MGMT: variants seen among roughly 807,000 people sequenced by gnomAD.
MGMT encodes O-6-methylguanine-DNA methyltransferase.
In MGMT, 14 loss-of-function variants were observed where a neutral mutation model predicts 15.9. That is an observed-to-expected ratio of 0.88 (90% CI 0.58 to 1.37). The LOEUF is 1.37. Among genes scored for constraint, MGMT ranks in the 40% most tolerant of loss-of-function variants. MGMT has a pLI of 0.00. For missense variants in MGMT, 282 were observed against 268.1 expected (o/e 1.05, Z -0.36); for synonymous variants, 130 against 118.2 (o/e 1.10, Z -0.65).
intron 2 of MGMT, among the ~76,000 whole-genome samples, chr10:129,679,360 C>A (rs1847821832): frequency 6.7e-6 from 1 of 149,984 alleles, no homozygotes; most frequent in Non-Finnish European, 1.5e-5. Context: ...GCTGTGGGAC[C>A]CTGCGGGCTT....
chr10:129,719,029 C>T (rs988387101), intron 3 of MGMT, among the ~76,000 whole-genome samples: 9 of 152,076 alleles, frequency 5.9e-5, no homozygotes, highest in African/African-American at 1.4e-4. Flanking sequence ...TGTCTAGAGC[C>T]GGTCCGTCTG....
At chr10:129,642,354 A>G (rs1847337317) in intron 2 of MGMT, among the ~76,000 whole-genome samples, 1 of 152,192 alleles carries the variant, frequency 6.6e-6, no homozygotes, top group Non-Finnish European at 1.5e-5. Flanking sequence ...ATTTGGGAAT[A>G]TTCTGCATTT....
rs555714635 is a variant in MGMT at position 129,587,688 on chromosome 10, G to A, written c.125+51311G>A. 5.3e-5 allele frequency among the ~76,000 whole-genome samples: 8 copies of A among 151,196 alleles called. No homozygotes were observed. The South Asian group carries it at 1.3e-3, about 24-fold the overall frequency. ...ATTTTTATCATGATCCACCCGCCTC[G>A]GCTTCCCAAAGTGCTGGGATTACAG... is the stretch of plus-strand genomic sequence containing the variant. On this transcript the variant is annotated intron_variant, in intron 2 of 4. Transcript: ENST00000651593.
intron 4 of MGMT, 63 bp downstream of exon 4, chr10:129,759,404 T>G: frequency 1.2e-6 from 2 of 1,608,276 alleles, no homozygotes; most frequent in South Asian, 2.2e-5. Context: ...CAGGGTGTCA[T>G]CTGATCCCAC....
chr10:129,573,170 G>T (rs1289464039), intron 2 of MGMT, among the ~76,000 whole-genome samples: 2 of 151,928 alleles, frequency 1.3e-5, no homozygotes, highest in African/African-American at 4.8e-5. Context: ...GGGTTATTTT[G>T]TCTTTTTCTT....
chr10:129,744,517 CAT>C (rs1209379567), intron 3 of MGMT, among the ~76,000 whole-genome samples: 3 of 152,346 alleles, frequency 2.0e-5, no homozygotes, highest in African/African-American at 7.2e-5. Context: ...CTCCAGGGAC[CAT>C]ACTAAAGCAG....
chr10:129,575,905 A>G (rs994581786), intron 2 of MGMT, among the ~76,000 whole-genome samples: 15 of 152,102 alleles, frequency 9.9e-5, no homozygotes, highest in Non-Finnish European at 2.2e-4. Context: ...TACTATAAAC[A>G]CCTCTATGCA....
intron 2 of MGMT, among the ~76,000 whole-genome samples, chr10:129,652,156 AG>A (rs1011698451): frequency 5.4e-4 from 82 of 152,136 alleles, no homozygotes; most frequent in African/African-American, 1.1e-3. Context: ...GACAACAGAA[AG>A]GCCCCCTGGG....
chr10:129,612,387 C>G (rs1846971102), intron 2 of MGMT, among the ~76,000 whole-genome samples: 1 of 152,230 alleles, frequency 6.6e-6, no homozygotes, highest in Non-Finnish European at 1.5e-5. Context: ...CTGAAACAGT[C>G]TCTCAGGTTA....
At chr10:129,603,884 C>T (rs1018925993) in intron 2 of MGMT, among the ~76,000 whole-genome samples, 1 of 152,168 alleles carries the variant, frequency 6.6e-6, no homozygotes, top group Non-Finnish European at 1.5e-5. Flanking sequence ...GTTCAGACTC[C>T]TAGATTGAAG....
chr10:129,567,517 T>C (rs1846370277), intron 2 of MGMT, among the ~76,000 whole-genome samples: 1 of 151,874 alleles, frequency 6.6e-6, no homozygotes, highest in Admixed American at 6.6e-5. Flanking sequence ...GATCATGGGG[T>C]TCAGGGTGCC....
intron 2 of MGMT, among the ~76,000 whole-genome samples, chr10:129,616,211 C>T (rs531510687): frequency 5.9e-5 from 9 of 152,328 alleles, no homozygotes; most frequent in Non-Finnish European, 1.3e-4. Flanking sequence ...CCACCTGGCT[C>T]ACATACTCCT....
chr10:129,581,422 C>A (rs1037737259), intron 2 of MGMT, among the ~76,000 whole-genome samples: 10 of 152,210 alleles, frequency 6.6e-5, no homozygotes, highest in African/African-American at 2.4e-4. Flanking sequence ...TCTGACCCCA[C>A]ATCATTGGCA....
At chr10:129,744,871 C>G (rs1365009637) in intron 3 of MGMT, among the ~76,000 whole-genome samples, 1 of 152,232 alleles carries the variant, frequency 6.6e-6, no homozygotes, top group African/African-American at 2.4e-5. Flanking sequence ...CACTGTCTTC[C>G]AGCCTCCCAG....
At chr10:129,634,069 A>G (rs146169839) in intron 2 of MGMT, among the ~76,000 whole-genome samples, 14 of 152,284 alleles carry the variant, frequency 9.2e-5, no homozygotes, top group African/African-American at 3.1e-4. Flanking sequence ...TTAGTGCCCA[A>G]AATGTCTTTA....
At chr10:129,605,423 A>G (rs1846877403) in intron 2 of MGMT, among the ~76,000 whole-genome samples, 3 of 152,142 alleles carry the variant, frequency 2.0e-5, no homozygotes, top group Non-Finnish European at 4.4e-5. Context: ...CCCTGTCCCC[A>G]TCTGTACATC....
chr10:129,601,439 G>T (rs1006875939), intron 2 of MGMT, among the ~76,000 whole-genome samples: 3 of 152,176 alleles, frequency 2.0e-5, no homozygotes, highest in Non-Finnish European at 4.4e-5. Context: ...TAAGCCATGG[G>T]GCAGACCTTG....
Position 129,698,333 on chromosome 10 carries a change from G to T in MGMT, c.126-9562G>T, listed in dbSNP as rs549691129. The stretch of plus-strand genomic sequence containing the variant: ...GTCCAGGCATGCAGTGTTGATCTCT[G>T]TGTATAGATCGACGTGGCTTCTTCT... On this transcript the variant is annotated intron_variant, in intron 2 of 4. Transcript: ENST00000651593. Among the ~76,000 whole-genome samples, 12 of 152,294 alleles carry T rather than the reference G, an allele frequency of 7.9e-5. No homozygotes were observed. In the East Asian group the frequency reaches 2.3e-3, roughly 29 times the overall value.
At chr10:129,637,388 C>G (rs1426084942) in intron 2 of MGMT, among the ~76,000 whole-genome samples, 1 of 152,148 alleles carries the variant, frequency 6.6e-6, no homozygotes, top group East Asian at 1.9e-4. Context: ...ATGGAGACGA[C>G]TTGGGATCAT....
Sources: allele counts gnomAD v4.1 joint callset (sites outside exome capture counted in the v4.1 genomes callset), GRCh38; gene constraint gnomAD v4.1.1; transcripts MANE v1.5; gene names NCBI Gene and HGNC (gene_info 2026-07-23, HGNC 2026-07-21).